Variants in UTRN observed in about 807,000 individuals in gnomAD.
UTRN encodes dystrophin-related protein 1.
Under a neutral mutation model 463.9 loss-of-function variants are expected in UTRN, and 283 were observed. The ratio of observed to expected loss-of-function variants is 0.61; its 90% CI spans 0.55 to 0.67. UTRN has a LOEUF of 0.67. Ranked by LOEUF, UTRN falls within the 30% of genes least tolerant of loss-of-function variation. The probability of loss-of-function intolerance (pLI) is 0.00; values close to 1 mark genes in which losing one functional copy is unlikely to be tolerated. For missense variants in UTRN, 3,922 were observed against 4,084.3 expected, an observed-to-expected ratio of 0.96 and a Z score of 1.08; for synonymous variants, 1,442 against 1,431.5, an observed-to-expected ratio of 1.01 and a Z score of -0.17.
At chr6:144,797,588 T>G (rs1470669626) in intron 63 of UTRN, among the ~76,000 whole-genome samples, 3 of 152,244 alleles carry the variant, frequency 2.0e-5, no homozygotes, top group Admixed American at 2.0e-4. Context: ...CTGAGTATAT[T>G]GAAGTCTTGG....
In UTRN at chr6:144,757,472, A is replaced by G. The variant is rs138584000; in HGVS notation, c.8435-457A>G. On this transcript the variant is annotated intron_variant, in intron 57 of 74. Transcript: ENST00000367545. The stretch of plus-strand genomic sequence containing the variant: ...TTTACTTAAATGCCATCTGTACTCA[A>G]TAGCTACTCCTGTGACTACGATGCA... Among the ~76,000 whole-genome samples, 289 of 152,198 alleles carry G rather than the reference A, an allele frequency of 1.9e-3. 1 individual carries two copies. Among genetic ancestry groups the G allele is most frequent in the African/African-American group, 6.6e-3 (276 of 41,560 alleles).
chr6:144,819,910 T>TG (rs555566773), intron 65 of UTRN, among the ~76,000 whole-genome samples: 9 of 79,910 alleles, frequency 1.1e-4, no homozygotes, highest in African/African-American at 5.4e-4. Context: ...CTCCTCCTCC[T>TG]CCTCTCTCTC....
intron 56 of UTRN, among the ~76,000 whole-genome samples, chr6:144,754,332 A>G (rs1344403970): frequency 6.6e-6 from 1 of 152,200 alleles, no homozygotes; most frequent in Non-Finnish European, 1.5e-5. Flanking sequence ...CTGGCACTGT[A>G]TGACCAGAAT....
At position 144,580,726 on chromosome 6, in the gene UTRN, A is replaced by G. The variant is rs891879410; in HGVS notation, c.7479+3438A>G. Among the ~76,000 whole-genome samples, 65 of 152,232 alleles carry G rather than the reference A, an allele frequency of 4.3e-4. 1 individual carries two copies. The highest frequency in any genetic ancestry group is 1.0e-3 in the Admixed American group (16 of 15,278). ...GGTCTTAAATGCCATGCAAGTATTT[A>G]TATTTTAATCCAGTGGCAATGAAGA... On this transcript the variant is annotated intron_variant, in intron 51 of 74. Transcript: ENST00000367545.
chr6:144,456,805 T>A (rs1334209132), intron 19 of UTRN, among the ~76,000 whole-genome samples: 1 of 152,132 alleles, frequency 6.6e-6, no homozygotes, highest in African/African-American at 2.4e-5. Flanking sequence ...AGTAGAGTAG[T>A]TGGGCATCTG....
chr6:144,619,177 C>T (rs1469017746), intron 51 of UTRN, among the ~76,000 whole-genome samples: 1 of 152,084 alleles, frequency 6.6e-6, no homozygotes, highest in Non-Finnish European at 1.5e-5. Flanking sequence ...TAAATAAGCA[C>T]AACAAAATTC....
chr6:144,369,106 A>G (rs925652391), intron 2 of UTRN, among the ~76,000 whole-genome samples: 2 of 152,234 alleles, frequency 1.3e-5, no homozygotes, highest in African/African-American at 4.8e-5. Flanking sequence ...ATGTGAGGAC[A>G]TGCATTATTT....
chr6:144,551,159 A>ACC (rs879553297), intron 48 of UTRN, 77 bp downstream of exon 48: 272 of 841,010 alleles, frequency 3.2e-4, no homozygotes, highest in Non-Finnish European at 4.4e-4. Context: ...ACACACACAC[A>ACC]CACACACACA....
Position 144,347,837 on chromosome 6 carries a change from G to GTTTTTTTTTTTTTTTTTTTTTTTTTTTT in UTRN, c.80-55274_80-55273insTTTTTTTTTTTTTTTTTTTTTTTTTTTT, listed in dbSNP as rs560581181. On this transcript the variant is annotated intron_variant, in intron 2 of 74. Coordinates refer to ENST00000367545, the MANE Select transcript of UTRN (RefSeq NM_007124.3). ...TCTCCTGAACTGTGGCTTATTCTTT[G>GTTTTTTTTTTTTTTTTTTTTTTTTTTTT]TTTTTTTTTTTTGTTTTTTTTTTTG... Among the ~76,000 whole-genome samples the GTTTTTTTTTTTTTTTTTTTTTTTTTTTT allele has an allele frequency of 1.9e-4, 24 of 128,914 alleles. 5 individuals carry two copies. Among genetic ancestry groups the GTTTTTTTTTTTTTTTTTTTTTTTTTTTT allele is most frequent in the African/African-American group, 7.5e-4 (22 of 29,480 alleles). The allele number at this position is 128,914 out of a possible 152,430, so 84.6% of individuals were successfully genotyped here.
chr6:144,357,149 T>C (rs1282768124), intron 2 of UTRN, among the ~76,000 whole-genome samples: 1 of 152,156 alleles, frequency 6.6e-6, no homozygotes. Flanking sequence ...AGCACATGGG[T>C]GTGGAATTTG....
chr6:144,324,890 G>A (rs968837788), intron 2 of UTRN, among the ~76,000 whole-genome samples: 3 of 152,194 alleles, frequency 2.0e-5, no homozygotes, highest in African/African-American at 7.2e-5. Context: ...AAAGTTGCCA[G>A]GATTGTTTGA....
intron 6 of UTRN, 130 bp from the exon 7 acceptor site, chr6:144,426,157 A>G: frequency 8.6e-7 from 1 of 1,156,688 alleles, no homozygotes; most frequent in South Asian, 1.7e-5. Context: ...TCTGAAGTAA[A>G]ATGAATGCCA....
At chr6:144,801,555 C>T (rs926046508) in intron 64 of UTRN, among the ~76,000 whole-genome samples, 6 of 151,902 alleles carry the variant, frequency 3.9e-5, no homozygotes, top group Admixed American at 6.6e-5. Context: ...TCATTTTCCC[C>T]GAACTTTTAT....
intron 61 of UTRN, among the ~76,000 whole-genome samples, chr6:144,784,677 G>T (rs972517438): frequency 6.6e-6 from 1 of 152,202 alleles, no homozygotes; most frequent in Non-Finnish European, 1.5e-5. Flanking sequence ...AGTGCCACTT[G>T]GTTGGGAGGA....
intron 65 of UTRN, among the ~76,000 whole-genome samples, chr6:144,819,201 A>G (rs997748834): frequency 1.3e-5 from 2 of 152,168 alleles, no homozygotes; most frequent in Admixed American, 6.5e-5. Context: ...AAACTGATGA[A>G]TTTTAAATGA....
chr6:144,750,219 A>T (rs1231111117), intron 55 of UTRN, among the ~76,000 whole-genome samples: 1 of 147,924 alleles, frequency 6.8e-6, no homozygotes, highest in Non-Finnish European at 1.5e-5. Flanking sequence ...AATTTTTTAC[A>T]CTTATAATGC....
chr6:144,646,793 G>A (rs1778351035), intron 51 of UTRN, among the ~76,000 whole-genome samples: 1 of 152,124 alleles, frequency 6.6e-6, no homozygotes. Flanking sequence ...CTCCCTCAGT[G>A]TACCGAAAAT....
chr6:144,391,290 T>C (rs114623390), intron 2 of UTRN, among the ~76,000 whole-genome samples: 1,714 of 152,256 alleles, frequency 0.011, 44 homozygotes, highest in African/African-American at 0.04. Context: ...CAGGCTGATC[T>C]TGAACTCCTG....
intron 53 of UTRN, among the ~76,000 whole-genome samples, chr6:144,712,269 A>G (rs1785807151): frequency 6.6e-6 from 1 of 152,156 alleles, no homozygotes. Context: ...GCCTGCACCT[A>G]CCTGCAACAC....
Sources: allele counts gnomAD v4.1 joint callset (sites outside exome capture counted in the v4.1 genomes callset), GRCh38; gene constraint gnomAD v4.1.1; transcripts MANE v1.5; gene names NCBI Gene and HGNC (gene_info 2026-07-23, HGNC 2026-07-21).